NUP210: variants seen among roughly 807,000 people sequenced by gnomAD.
NUP210 encodes nuclear pore membrane glycoprotein 210.
A neutral mutation model predicts 196.0 loss-of-function variants in NUP210; 151 were observed. That is an observed-to-expected ratio of 0.77 (90% confidence interval 0.67 to 0.88). The LOEUF (loss-of-function observed/expected upper bound fraction) is 0.88. Ranked by LOEUF, NUP210 falls within the 40% of genes least tolerant of loss-of-function variation. NUP210 has a pLI of 0.00. For synonymous variants in NUP210, 1,070 were observed against 1,052.7 expected (o/e 1.02, Z -0.32); for missense variants, 2,314 against 2,493.7 (o/e 0.93, Z 1.53).
intron 1 of NUP210, among the ~76,000 whole-genome samples, chr3:13,401,630 C>T (rs533231771): frequency 1.2e-4 from 19 of 152,142 alleles, no homozygotes; most frequent in Non-Finnish European, 1.5e-4. Context: ...TGCCTATGAA[C>T]CCGGCCCATA....
At position 13,343,187 on chromosome 3, in the gene NUP210, A is replaced by T. The variant is rs1287474060; in HGVS notation, c.2952T>A (p.Arg984=). The T allele has an allele frequency of 1.2e-6, 2 of 1,613,706 alleles. No homozygotes were observed. Among genetic ancestry groups the T allele is most frequent in the African/African-American group, 2.7e-5 (2 of 74,872 alleles). ...YVSDIQELYI[R]VVDKVEIGKT... The stretch of plus-strand genomic sequence containing the variant: ...AGCTTCCACTGACCTTGTCAACCAC[A>T]CGGATGTACAGCTCCTGAATGTCCG... Residue 984 remains arginine, a synonymous_variant, in exon 21 of 40, where the codon CGT becomes CGA. Coordinates refer to ENST00000254508, the MANE Select transcript of NUP210 (RefSeq NM_024923.4).
At chr3:13,342,145 T>A in intron 21 of NUP210, 22 bp from the exon 22 acceptor site, 1 of 1,613,582 alleles carries the variant, frequency 6.2e-7, no homozygotes, top group African/African-American at 1.3e-5. Context: ...GGACAGAGGT[T>A]CAGGGGCAGC....
chr3:13,420,193 T>TCAGCAG lies in NUP210; in HGVS notation c.28_33dup (p.Leu10_Leu11dup). ...CCCGCCGCCAACAGCACCGACAGCGTCAGCAGCAGCAGCCCCCGGCCCCGC... is the reference window on the plus strand; with the variant it reads ...CCCGCCGCCAACAGCACCGACAGCGTCAGCAGCAGCAGCAGCAGCCCCCGGCCCCGC... On this transcript the variant is annotated inframe_insertion, in exon 1 of 40. Coordinates refer to ENST00000254508, the MANE Select transcript of NUP210 (RefSeq NM_024923.4). This position sits in a 1 kb window ranked among gnomAD's most constrained non-coding sequence, Gnocchi z 4.8. 1.6e-6 allele frequency: 2 copies of TCAGCAG among 1,220,914 alleles called. No homozygotes were observed. The highest frequency in any genetic ancestry group is 2.1e-6 in the Non-Finnish European group (2 of 965,466). The allele number at this position is 1,220,914 out of a possible 1,614,324, so 75.6% of individuals were successfully genotyped here. A position where few individuals can be genotyped will look rare whatever the true frequency, so the allele number is the denominator to read the frequency against.
At chr3:13,322,818 G>A (rs954499203) in intron 34 of NUP210, among the ~76,000 whole-genome samples, 10 of 152,200 alleles carry the variant, frequency 6.6e-5, no homozygotes, top group Admixed American at 5.2e-4. Context: ...CGAGAAGGGC[G>A]GTGCTTCACT....
chr3:13,377,424 TC>T (rs1559336271), intron 9 of NUP210, 31 bp downstream of exon 9: 2 of 1,499,170 alleles, frequency 1.3e-6, no homozygotes, highest in Non-Finnish European at 1.9e-6. Context: ...CCCCACCTCA[TC>T]CCCCCAGCCA....
At chr3:13,373,595 A>G in intron 12 of NUP210, 123 bp downstream of exon 12, 1 of 915,458 alleles carries the variant, frequency 1.1e-6, no homozygotes, top group Non-Finnish European at 1.7e-6. Context: ...CTGGGGCTTG[A>G]GCTCCTAAGT....
intron 4 of NUP210, among the ~76,000 whole-genome samples, chr3:13,388,914 A>G (rs1559341410): frequency 6.6e-6 from 1 of 152,178 alleles, no homozygotes; most frequent in Non-Finnish European, 1.5e-5. Flanking sequence ...CTGGGGAACG[A>G]TTCTCCATGA....
At position 13,351,902 on chromosome 3, in the gene NUP210, G is replaced by A; in HGVS notation, c.2812C>T (p.Gln938Ter). Residue 938 changes from glutamine (Q) to a stop codon, truncating the protein, a stop_gained, in exon 20 of 40, where the codon CAG (glutamine) becomes TAG (stop). Coordinates refer to ENST00000254508, the MANE Select transcript of NUP210 (RefSeq NM_024923.4). LOFTEE classifies it high-confidence loss of function. ...ACCATGGCGACACCCCTGGCCTCCT[G>A]GTAGGCCACCTTGACAACATCTGCG... Reference protein sequence around the residue: ...STADVVKVAYQEARGVAMVHP... With the variant: ...STADVVKVAY The A allele has an allele frequency of 1.2e-6, 2 of 1,612,996 alleles. No homozygotes were observed. Among genetic ancestry groups the A allele is most frequent in the Non-Finnish European group, 1.7e-6 (2 of 1,178,992 alleles).
chr3:13,375,431 T>G (rs575383744), intron 11 of NUP210, 73 bp downstream of exon 11: 6 of 1,422,660 alleles, frequency 4.2e-6, no homozygotes, highest in Middle Eastern at 1.8e-4. Context: ...CTAAAAGTAA[T>G]AGAATGGACA....
At chr3:13,409,739 G>A (rs1018422048) in intron 1 of NUP210, among the ~76,000 whole-genome samples, 7 of 151,980 alleles carry the variant, frequency 4.6e-5, no homozygotes, top group Admixed American at 1.3e-4. Context: ...CAAGGCCACA[G>A]GCCTCCCACC....
chr3:13,402,407 A>T (rs142589175), intron 1 of NUP210, among the ~76,000 whole-genome samples: 30 of 152,266 alleles, frequency 2.0e-4, no homozygotes, highest in African/African-American at 6.5e-4. Flanking sequence ...TCCTCAACAA[A>T]ATAGAGATAA....
chr3:13,316,250 G>T lies in NUP210; in HGVS notation c.*1431C>A, dbSNP rs557030. On this transcript the variant is annotated 3_prime_UTR_variant, in exon 40 of 40. Coordinates refer to ENST00000254508, the MANE Select transcript of NUP210 (RefSeq NM_024923.4). Reference sequence around the variant, plus strand: ...TCACACCCTCTTAAAAAATCACATAGAACTTTATTAAATAAACCAGTAGAA... The same window carrying T: ...TCACACCCTCTTAAAAAATCACATATAACTTTATTAAATAAACCAGTAGAA... 6.6e-6 allele frequency: 1 copy of T among 152,216 alleles called. No homozygotes were observed. The highest frequency in any genetic ancestry group is 1.5e-5 in the Non-Finnish European group (1 of 68,042). 9.4% of individuals were successfully genotyped at this position (152,216 alleles called of 1,614,324 possible). A position where few individuals can be genotyped will look rare whatever the true frequency, so the allele number is the denominator to read the frequency against.
At chr3:13,413,155 C>T (rs893143734) in intron 1 of NUP210, among the ~76,000 whole-genome samples, 2 of 151,732 alleles carry the variant, frequency 1.3e-5, no homozygotes, top group African/African-American at 4.8e-5. Flanking sequence ...GCCCCAGCTA[C>T]TCAGGAGGAT....
intron 26 of NUP210, 37 bp from the exon 27 acceptor site, chr3:13,336,955 C>A: frequency 6.2e-7 from 1 of 1,610,620 alleles, no homozygotes; most frequent in Non-Finnish European, 8.5e-7. Flanking sequence ...AGCAGTAGCT[C>A]CCAGCACTGG....
chr3:13,320,040 G>A, intron 36 of NUP210, 61 bp from the exon 37 acceptor site: 2 of 1,498,606 alleles, frequency 1.3e-6, no homozygotes, highest in Non-Finnish European at 9.2e-7. Flanking sequence ...CACTGAGCGG[G>A]GCCTCAGGAC....
At chr3:13,359,022 G>A (rs1318185679) in intron 15 of NUP210, among the ~76,000 whole-genome samples, 1 of 152,140 alleles carries the variant, frequency 6.6e-6, no homozygotes, top group African/African-American at 2.4e-5. Flanking sequence ...CTTTTTTGGA[G>A]CACCATGGCT....
chr3:13,371,418 G>A (rs1283847521), intron 13 of NUP210, among the ~76,000 whole-genome samples: 1 of 152,228 alleles, frequency 6.6e-6, no homozygotes, highest in Non-Finnish European at 1.5e-5. Flanking sequence ...CTCCACCAAT[G>A]TCACCATCAA....
intron 1 of NUP210, among the ~76,000 whole-genome samples, chr3:13,408,807 G>T (rs1027519272): frequency 2.7e-5 from 4 of 148,884 alleles, no homozygotes; most frequent in Admixed American, 1.3e-4. Context: ...AAAAAAAAAG[G>T]TTTTTAATTA....
intron 32 of NUP210, among the ~76,000 whole-genome samples, chr3:13,326,493 C>G (rs1696759724): frequency 6.6e-6 from 1 of 151,956 alleles, no homozygotes; most frequent in South Asian, 2.1e-4. Context: ...TTTGTTTTTC[C>G]TTAAAGGTAG....
Sources: gnomAD v4.1 joint callset for allele counts (sites outside exome capture counted in the v4.1 genomes callset) on GRCh38, gnomAD v4.1.1 for gene constraint, Gnocchi (gnomAD v3.1) non-coding constraint, MANE v1.5 for transcripts, NCBI Gene and HGNC (gene_info 2026-07-23, HGNC 2026-07-21) for gene names.